C4BPB: variants seen among roughly 807,000 people sequenced by gnomAD.
The protein encoded by C4BPB is C4b-binding protein beta chain.
C4BPB carries 19 observed loss-of-function variants against 26.6 expected under a neutral mutation model. The ratio of observed to expected loss-of-function variants is 0.71; its 90% CI spans 0.50 to 1.05. The LOEUF (loss-of-function observed/expected upper bound fraction) is 1.05. Ranked by LOEUF, C4BPB falls within the 50% of genes least tolerant of loss-of-function variation. C4BPB has a pLI of 0.00. For synonymous variants in C4BPB, 118 were observed against 103.5 expected (o/e 1.14, Z -0.85); for missense variants, 282 against 302.9 (o/e 0.93, Z 0.51).
intron 4 of C4BPB, among the ~76,000 whole-genome samples, chr1:207,093,779 A>G (rs1684136672): frequency 1.3e-5 from 2 of 152,196 alleles, no homozygotes; most frequent in Non-Finnish European, 2.9e-5. Context: ...AAATTTTTAA[A>G]AGAAAAACTT....
At chr1:207,097,332 C>T (rs1684291804) in intron 5 of C4BPB, among the ~76,000 whole-genome samples, 1 of 151,548 alleles carries the variant, frequency 6.6e-6, no homozygotes, top group Non-Finnish European at 1.5e-5. Flanking sequence ...CCCACCTCAG[C>T]CTCTCTAATA....
intron 6 of C4BPB, 111 bp from the exon 7 acceptor site, chr1:207,099,678 G>T: frequency 1.3e-6 from 1 of 795,552 alleles, no homozygotes; most frequent in South Asian, 2.3e-5. Context: ...ACTTAAGCTA[G>T]CCTGGTTCTG....
chr1:207,097,921 A>G (rs894401180), intron 5 of C4BPB: 1 of 412,374 alleles, frequency 2.4e-6, no homozygotes, highest in Non-Finnish European at 4.4e-6. Flanking sequence ...TCACTTCTCT[A>G]TGTTTTATGG....
At chr1:207,089,351 G>A (rs1217635227) in intron 1 of C4BPB, 131 bp from the exon 2 acceptor site, 3 of 572,582 alleles carry the variant, frequency 5.2e-6, no homozygotes, top group Non-Finnish European at 9.4e-6. Flanking sequence ...CAGCTGTTCT[G>A]ATTTCCTGTC....
Sources: allele counts gnomAD v4.1 joint callset (sites outside exome capture counted in the v4.1 genomes callset), GRCh38; gene constraint gnomAD v4.1.1; transcripts MANE v1.5; gene names NCBI Gene and HGNC (gene_info 2026-07-23, HGNC 2026-07-21).